Variants in MRPL48 observed in about 807,000 individuals in gnomAD.
The protein encoded by MRPL48 is mitochondrial ribosomal protein L48.
In MRPL48, 16 loss-of-function variants were observed where a neutral mutation model predicts 32.9. The ratio of observed to expected loss-of-function variants is 0.49; its 90% confidence interval spans 0.33 to 0.74. MRPL48 has a LOEUF of 0.74. MRPL48 is among the 30% of genes least tolerant of loss of function. MRPL48 has a pLI of 0.02. For synonymous variants in MRPL48, 94 were observed against 89.2 expected (o/e 1.05, Z -0.31); for missense variants, 206 against 245.3 (o/e 0.84, Z 1.07).
intron 6 of MRPL48, among the ~76,000 whole-genome samples, chr11:73,862,061 G>T (rs905930144): frequency 6.6e-6 from 1 of 152,222 alleles, no homozygotes; most frequent in African/African-American, 2.4e-5. Flanking sequence ...AACAAGGCGG[G>T]CGGATCACTT....
At chr11:73,788,053 ATGGCGGAGGGTGCAGAGCGGGGAGG>A in intron 1 of MRPL48, 61 bp downstream of exon 1, 2 of 1,495,192 alleles carry the variant, frequency 1.3e-6, no homozygotes, top group South Asian at 1.2e-5. Flanking sequence ...GAGAGGGGAG[ATGGCGGAGGGTGCAGAGCGGGGAGG>A]TGGCGGCGCG....
intron 3 of MRPL48, among the ~76,000 whole-genome samples, chr11:73,813,418 C>A (rs1328724606): frequency 2.6e-5 from 4 of 152,168 alleles, no homozygotes; most frequent in Admixed American, 2.6e-4. Context: ...AGGTGATTCA[C>A]CCACCTCGGC....
At chr11:73,817,493 CTCA>C (rs1947698536) in intron 3 of MRPL48, among the ~76,000 whole-genome samples, 1 of 152,166 alleles carries the variant, frequency 6.6e-6, no homozygotes, top group Admixed American at 6.6e-5. Context: ...TTTTTACATA[CTCA>C]TCAACATCGA....
intron 3 of MRPL48, among the ~76,000 whole-genome samples, chr11:73,823,726 A>G (rs1415450293): frequency 7.3e-6 from 1 of 136,150 alleles, no homozygotes; most frequent in East Asian, 2.1e-4. Context: ...TGCAGCAGCT[A>G]TTTGCACTAC....
chr11:73,858,526 C>T (rs543388183), intron 5 of MRPL48, among the ~76,000 whole-genome samples: 4 of 152,306 alleles, frequency 2.6e-5, no homozygotes, highest in South Asian at 4.1e-4. Context: ...CCACCCGCAT[C>T]GGCCTCCCAA....
chr11:73,802,541 T>G (rs1412373611), intron 1 of MRPL48, among the ~76,000 whole-genome samples: 1 of 152,238 alleles, frequency 6.6e-6, no homozygotes, highest in Non-Finnish European at 1.5e-5. Context: ...TTCACTATTC[T>G]GGATATTTCA....
At chr11:73,824,504 G>T (rs1236290459) in intron 3 of MRPL48, among the ~76,000 whole-genome samples, 1 of 151,976 alleles carries the variant, frequency 6.6e-6, no homozygotes, top group Non-Finnish European at 1.5e-5. Flanking sequence ...AGAATTGCTT[G>T]GACCTGGGAG....
At chr11:73,834,528 G>GT (rs11444489) in intron 4 of MRPL48, among the ~76,000 whole-genome samples, 63,883 of 142,568 alleles carry the variant, frequency 0.45, 15,182 homozygotes, top group African/African-American at 0.63. Flanking sequence ...GTTTTTGCTG[G>GT]TTTTTTTTTT....
chr11:73,844,139 T>C (rs949065275), intron 4 of MRPL48, among the ~76,000 whole-genome samples: 6 of 151,870 alleles, frequency 4.0e-5, no homozygotes, highest in African/African-American at 1.4e-4. Flanking sequence ...GTTAGGAATA[T>C]TTTAATCTAG....
At chr11:73,800,067 A>G (rs534950576) in intron 1 of MRPL48, among the ~76,000 whole-genome samples, 47 of 152,212 alleles carry the variant, frequency 3.1e-4, no homozygotes, top group African/African-American at 8.4e-4. Context: ...AAATAGAGCC[A>G]GTTATCTCAA....
intron 5 of MRPL48, among the ~76,000 whole-genome samples, chr11:73,854,345 A>G (rs1057137877): frequency 2.6e-5 from 4 of 152,026 alleles, no homozygotes; most frequent in African/African-American, 7.2e-5. Context: ...GTGCCGTGGC[A>G]CGATCTCGGC....
chr11:73,817,435 A>T (rs1947697351), intron 3 of MRPL48, among the ~76,000 whole-genome samples: 1 of 152,172 alleles, frequency 6.6e-6, no homozygotes, highest in Non-Finnish European at 1.5e-5. Context: ...TACTAAATTG[A>T]TCTCCAGAAA....
At chr11:73,820,070 C>T (rs1280848614) in intron 3 of MRPL48, among the ~76,000 whole-genome samples, 1 of 152,106 alleles carries the variant, frequency 6.6e-6, no homozygotes, top group Non-Finnish European at 1.5e-5. Flanking sequence ...TTAGCGGGGG[C>T]TACCAATCTA....
At chr11:73,789,419 G>A (rs1212365166) in intron 1 of MRPL48, 1 of 152,278 alleles carries the variant, frequency 6.6e-6, no homozygotes, top group East Asian at 1.9e-4. Context: ...GCCTCTCGAC[G>A]TCTGATGCCA....
chr11:73,847,965 T>C (rs982007225), intron 5 of MRPL48, among the ~76,000 whole-genome samples: 3 of 152,226 alleles, frequency 2.0e-5, no homozygotes, highest in Non-Finnish European at 4.4e-5. Flanking sequence ...GTATGTCTTT[T>C]GAAGAGCAGA....
At chr11:73,795,345 G>T (rs931311563) in intron 1 of MRPL48, among the ~76,000 whole-genome samples, 4 of 151,568 alleles carry the variant, frequency 2.6e-5, no homozygotes, top group African/African-American at 9.7e-5. Context: ...TTACAGGCGT[G>T]AGCCTGGACT....
chr11:73,798,634 G>A lies in MRPL48; in HGVS notation c.22-6393G>A, dbSNP rs893050965. 7.2e-5 allele frequency among the ~76,000 whole-genome samples: 11 copies of A among 152,220 alleles called. No individual in the cohort carries two copies. The East Asian group carries it at 2.1e-3, about 29-fold the overall frequency. On this transcript the variant is annotated intron_variant, in intron 1 of 7. Transcript: ENST00000310614. The stretch of plus-strand genomic sequence containing the variant: ...AAAATGTTTCAGTTTTGACCAGGGA[G>A]GTATTTAAGTAACAGATGGATCATT...
At chr11:73,821,405 T>C (rs1204982704) in intron 3 of MRPL48, among the ~76,000 whole-genome samples, 1 of 152,204 alleles carries the variant, frequency 6.6e-6, no homozygotes, top group Non-Finnish European at 1.5e-5. Context: ...CCCAACCCTT[T>C]GCACGGTGTC....
intron 1 of MRPL48, among the ~76,000 whole-genome samples, chr11:73,797,106 AGACATCGG>A (rs1270162493): frequency 6.6e-6 from 1 of 152,188 alleles, no homozygotes; most frequent in Non-Finnish European, 1.5e-5. Context: ...AGAGCTGAAC[AGACATCGG>A]GACAACCGGC....
Sources: allele counts gnomAD v4.1 joint callset (sites outside exome capture counted in the v4.1 genomes callset), GRCh38; gene constraint gnomAD v4.1.1; transcripts MANE v1.5; gene names NCBI Gene and HGNC (gene_info 2026-07-23, HGNC 2026-07-21).